Variants in CCSER2 observed in about 807,000 individuals in gnomAD.
CCSER2 encodes the protein coiled-coil serine rich protein 2, also known as serine-rich coiled-coil domain-containing protein 2.
In CCSER2, 46 loss-of-function variants were observed where a neutral mutation model predicts 92.3. That is an observed-to-expected ratio of 0.50 (90% CI 0.39 to 0.64). The LOEUF is 0.64. CCSER2 is among the 30% of genes least tolerant of loss of function. CCSER2 has a pLI of 0.00. For missense variants in CCSER2, 1,244 were observed against 1,238.9 expected (o/e 1.00, Z -0.06); for synonymous variants, 433 against 431.4 (o/e 1.00, Z -0.04).
chr10:84,350,960 T>C (rs1318991147), intron 1 of CCSER2, among the ~76,000 whole-genome samples: 8 of 152,244 alleles, frequency 5.3e-5, no homozygotes, highest in Admixed American at 5.2e-4. Context: ...GATAAAGATA[T>C]TTATAATCTT....
intron 5 of CCSER2, among the ~76,000 whole-genome samples, chr10:84,435,681 C>G (rs1844073355): frequency 7.0e-6 from 1 of 143,816 alleles, no homozygotes; most frequent in South Asian, 2.2e-4. Flanking sequence ...AAATAAATAA[C>G]CAAAAAAACC....
chr10:84,488,726 G>A (rs1031689433), intron 9 of CCSER2, among the ~76,000 whole-genome samples: 2 of 152,048 alleles, frequency 1.3e-5, no homozygotes. Flanking sequence ...AGGATTTTTT[G>A]TGTCTATTTC....
At chr10:84,397,436 T>C (rs1841904102) in intron 3 of CCSER2, among the ~76,000 whole-genome samples, 3 of 152,218 alleles carry the variant, frequency 2.0e-5, no homozygotes, top group Admixed American at 2.0e-4. Context: ...GTAACTTGAC[T>C]GGTTTGAGGA....
intron 6 of CCSER2, among the ~76,000 whole-genome samples, chr10:84,439,772 G>A (rs1482126666): frequency 6.6e-6 from 1 of 152,182 alleles, no homozygotes; most frequent in Non-Finnish European, 1.5e-5. Flanking sequence ...AACTTCTCTT[G>A]AGGCAGAAAT....
At chr10:84,467,865 C>T (rs1006925764) in intron 7 of CCSER2, among the ~76,000 whole-genome samples, 2 of 152,068 alleles carry the variant, frequency 1.3e-5, no homozygotes, top group African/African-American at 2.4e-5. Context: ...TTCTTCTCTC[C>T]CTTTTCATCT....
intron 9 of CCSER2, among the ~76,000 whole-genome samples, chr10:84,478,656 T>A (rs143451168): frequency 6.6e-6 from 1 of 152,314 alleles, no homozygotes; most frequent in African/African-American, 2.4e-5. Flanking sequence ...GCTTTCAAAC[T>A]AGAAGTGGGG....
At chr10:84,392,419 A>G (rs1841578889) in intron 3 of CCSER2, among the ~76,000 whole-genome samples, 1 of 151,598 alleles carries the variant, frequency 6.6e-6, no homozygotes, top group African/African-American at 2.4e-5. Context: ...CATATAAATG[A>G]TGCATAGGGA....
intron 3 of CCSER2, among the ~76,000 whole-genome samples, chr10:84,402,957 C>T (rs1453160628): frequency 6.6e-6 from 1 of 152,146 alleles, no homozygotes; most frequent in Non-Finnish European, 1.5e-5. Context: ...TATAGACAGG[C>T]TTGTTCTAAA....
chr10:84,352,905 C>G (rs1017889683), intron 1 of CCSER2, among the ~76,000 whole-genome samples: 1 of 152,022 alleles, frequency 6.6e-6, no homozygotes, highest in East Asian at 1.9e-4. Context: ...ACTCTTATGC[C>G]TCAGCCTCCC....
At chr10:84,457,280 T>TATATATAC (rs1415390989) in intron 6 of CCSER2, among the ~76,000 whole-genome samples, 1 of 18,284 alleles carries the variant, frequency 5.5e-5, no homozygotes, top group Admixed American at 1.1e-3. Flanking sequence ...TATAATATAT[T>TATATATAC]ATATATTATA....
chr10:84,371,308 C>CCT lies in CCSER2; in HGVS notation c.256_257insCT (p.Gln86ProfsTer8). On this transcript the variant is annotated frameshift_variant, in exon 2 of 10. Coordinates refer to ENST00000372088, the MANE Select transcript of CCSER2 (RefSeq NM_001284240.2). LOFTEE classifies it high-confidence loss of function. ...AGGTGTCGAAGAGCCTAACAATACT[C>CCT]AAAATTCACATGATAAAATAATTGA... 6.2e-7 allele frequency: 1 copy of CCT among 1,613,590 alleles called. No individual in the cohort carries two copies. Among genetic ancestry groups the CCT allele is most frequent in the African/African-American group, 1.3e-5 (1 of 75,006 alleles).
intron 3 of CCSER2, among the ~76,000 whole-genome samples, chr10:84,393,653 C>T (rs550004096): frequency 6.6e-6 from 1 of 152,140 alleles, no homozygotes; most frequent in Non-Finnish European, 1.5e-5. Flanking sequence ...ATTTGTTTAG[C>T]TTTTCTGTTA....
chr10:84,436,880 A>G lies in CCSER2; in HGVS notation c.1869-1632A>G, dbSNP rs149106081. Among the ~76,000 whole-genome samples the G allele has an allele frequency of 4.1e-3, 624 of 152,292 alleles. 4 individuals are homozygous for G. The highest frequency in any genetic ancestry group is 0.015 in the African/African-American group (610 of 41,554). ...ATACTGAATATTTGAGAATTCAGAG[A>G]TGTGGGAATATTTGTTAAAAGCTAG... On this transcript the variant is annotated intron_variant, in intron 5 of 9. Transcript: ENST00000372088.
intron 1 of CCSER2, among the ~76,000 whole-genome samples, chr10:84,354,271 G>T (rs1171637761): frequency 4.0e-5 from 6 of 150,782 alleles, no homozygotes; most frequent in East Asian, 1.9e-4. Context: ...TTTAAATAGG[G>T]TTTGTTTGAA....
At position 84,417,794 on chromosome 10, in the gene CCSER2, A is replaced by G. The variant is rs935358182; in HGVS notation, c.1638A>G (p.Ser546=). The change falls in exon 4 of 10, where the codon TCA becomes TCG. Residue 546 remains serine, a synonymous_variant. Transcript: ENST00000372088. ...AGGATATTTTGAATAATCTTGAATCATGTGACCTTGAGGATGATGATCTTA... is the reference window on the plus strand; with the variant it reads ...AGGATATTTTGAATAATCTTGAATCGTGTGACCTTGAGGATGATGATCTTA... ...NSIDILNNLE[S]CDLEDDDLML... is the part of the protein sequence containing the mutation. 1 of 1,579,952 alleles carries G rather than the reference A, an allele frequency of 6.3e-7. No homozygotes were observed. Among genetic ancestry groups the G allele is most frequent in the Admixed American group, 1.7e-5 (1 of 59,982 alleles).
intron 1 of CCSER2, among the ~76,000 whole-genome samples, chr10:84,332,412 T>TTTTATATATA (rs1368768969): frequency 1.2e-5 from 1 of 82,272 alleles, no homozygotes; most frequent in Non-Finnish European, 2.0e-5. Context: ...ATTTATTTTT[T>TTTTATATATA]TATATATATA....
chr10:84,457,265 TTATATATAATATATTA>T (rs1318054727), intron 6 of CCSER2, among the ~76,000 whole-genome samples: 1 of 29,558 alleles, frequency 3.4e-5, no homozygotes, highest in Non-Finnish European at 5.4e-5. Context: ...ATAAAATATA[TTATATATAATATATTA>T]TATATTATAT....
chr10:84,390,742 A>T (rs577854962), intron 3 of CCSER2, among the ~76,000 whole-genome samples: 7 of 152,280 alleles, frequency 4.6e-5, no homozygotes, highest in South Asian at 2.1e-4. Context: ...ATCCTTTTCC[A>T]CATCAATGTC....
rs1297490735 is a variant in CCSER2, at chr10:84,371,426, C to G, written c.374C>G (p.Ala125Gly). 12 of 1,613,386 alleles carry G rather than the reference C, an allele frequency of 7.4e-6. No homozygotes were observed. The highest frequency in any genetic ancestry group is 1.3e-5 in the African/African-American group (1 of 74,994). Reference sequence around the variant, plus strand: ...GTTTCTTTATTCACATCAAAGTTAGCAAAGCCATCCACTATGTTTGTGTCA... The same window carrying G: ...GTTTCTTTATTCACATCAAAGTTAGGAAAGCCATCCACTATGTTTGTGTCA... ...KSVSLFTSKL[A>G]KPSTMFVSST... The change falls in exon 2 of 10, where the codon GCA becomes GGA. Residue 125 changes from alanine to glycine, a missense_variant. Coordinates refer to ENST00000372088, the MANE Select transcript of CCSER2 (RefSeq NM_001284240.2).
Sources: gnomAD v4.1 joint callset for allele counts (sites outside exome capture counted in the v4.1 genomes callset) on GRCh38, gnomAD v4.1.1 for gene constraint, MANE v1.5 for transcripts, NCBI Gene and HGNC (gene_info 2026-07-23, HGNC 2026-07-21) for gene names.